The following NTM variants were observed in gnomAD, a reference collection of about 807,000 sequenced individuals.
NTM encodes the protein IgLON family member 2.
NTM carries 13 observed loss-of-function variants against 42.1 expected under a neutral mutation model. The observed-to-expected ratio is 0.31, with a 90% CI of 0.20 to 0.49. The LOEUF is 0.49. Among genes scored for constraint, NTM ranks in the 20% least tolerant of loss-of-function variants. The probability of loss-of-function intolerance (pLI) is 0.99; values close to 1 mark genes in which losing one functional copy is unlikely to be tolerated. For missense variants in NTM, 373 were observed against 452.8 expected, an observed-to-expected ratio of 0.82 and a Z score of 1.60; for synonymous variants, 187 against 179.2, an observed-to-expected ratio of 1.04 and a Z score of -0.35.
At chr11:131,469,976 G>GC (rs1952278389) in intron 1 of NTM, among the ~76,000 whole-genome samples, 1 of 152,150 alleles carries the variant, frequency 6.6e-6, no homozygotes, top group Non-Finnish European at 1.5e-5. Flanking sequence ...TTTCCTTAGA[G>GC]CTCTGTAGCT....
chr11:131,662,824 G>A (rs567517350), intron 1 of NTM, among the ~76,000 whole-genome samples: 2 of 152,180 alleles, frequency 1.3e-5, no homozygotes, highest in South Asian at 4.2e-4. Context: ...TTGGGGCGGG[G>A]AACGCTGAGG....
At chr11:132,321,447 T>C (rs1343322059) in intron 7 of NTM, among the ~76,000 whole-genome samples, 4 of 151,574 alleles carry the variant, frequency 2.6e-5, no homozygotes, top group Admixed American at 6.6e-5. Flanking sequence ...ATGAAATGAA[T>C]GAAATGAAGC....
chr11:131,559,482 C>T (rs900104035), intron 1 of NTM, among the ~76,000 whole-genome samples: 1 of 152,168 alleles, frequency 6.6e-6, no homozygotes, highest in African/African-American at 2.4e-5. Context: ...GGTATATTCA[C>T]CACACAGTCT....
At chr11:131,422,218 T>TC (rs1185737573) in intron 1 of NTM, among the ~76,000 whole-genome samples, 1 of 152,180 alleles carries the variant, frequency 6.6e-6, no homozygotes, top group Non-Finnish European at 1.5e-5. Context: ...ACAGTCACAT[T>TC]TGAATGTTTC....
At chr11:132,127,721 C>G (rs2066085890) in intron 2 of NTM, among the ~76,000 whole-genome samples, 2 of 152,246 alleles carry the variant, frequency 1.3e-5, no homozygotes, top group South Asian at 4.1e-4. Flanking sequence ...TGCCACTCTG[C>G]TCTCCGATTT....
intron 4 of NTM, among the ~76,000 whole-genome samples, chr11:132,271,363 G>T (rs942176663): frequency 1.3e-5 from 2 of 151,622 alleles, no homozygotes; most frequent in African/African-American, 4.8e-5. Context: ...GAACATTCAT[G>T]TACAAGTTTT....
At chr11:131,933,439 G>T (rs924904185) in intron 2 of NTM, among the ~76,000 whole-genome samples, 1 of 152,126 alleles carries the variant, frequency 6.6e-6, no homozygotes, top group African/African-American at 2.4e-5. Flanking sequence ...CCCCGCCAAG[G>T]ATTTGCTCTT....
At chr11:131,969,169 A>C (rs1221280479) in intron 2 of NTM, among the ~76,000 whole-genome samples, 1 of 152,190 alleles carries the variant, frequency 6.6e-6, no homozygotes, top group East Asian at 1.9e-4. Context: ...AAGTTTACCC[A>C]GGTGTCTTTC....
chr11:131,456,715 T>A (rs895628527), intron 1 of NTM, among the ~76,000 whole-genome samples: 4 of 152,230 alleles, frequency 2.6e-5, no homozygotes, highest in African/African-American at 9.6e-5. Flanking sequence ...TCCTGTCTAC[T>A]CGTAAGGGCT....
Position 131,862,166 on chromosome 11 carries a change from A to T in NTM, c.83-49398A>T, listed in dbSNP as rs537305787. 1.4e-4 allele frequency among the ~76,000 whole-genome samples: 22 copies of T among 152,312 alleles called. 1 individual carries two copies. Among genetic ancestry groups the T allele is most frequent in the African/African-American group, 5.3e-4 (22 of 41,576 alleles). The stretch of plus-strand genomic sequence containing the variant: ...GATTCTCAGACTGTCTGAGAATTTT[A>T]GCATTGTAACTGTCTGAGGAGAGAA... On this transcript the variant is annotated intron_variant, in intron 1 of 8. Transcript: ENST00000683400.
chr11:132,147,993 A>G (rs778897982), intron 3 of NTM, among the ~76,000 whole-genome samples: 26 of 152,128 alleles, frequency 1.7e-4, no homozygotes, highest in Non-Finnish European at 3.4e-4. Context: ...GACACATGAG[A>G]ACAAGGTGAT....
chr11:131,440,461 ACT>A (rs757172442), intron 1 of NTM, among the ~76,000 whole-genome samples: 8 of 151,936 alleles, frequency 5.3e-5, no homozygotes, highest in Non-Finnish European at 1.2e-4. Flanking sequence ...TCCTTTTCTG[ACT>A]CTACCATGCT....
At chr11:131,498,318 C>T (rs1285187045) in intron 1 of NTM, among the ~76,000 whole-genome samples, 1 of 152,132 alleles carries the variant, frequency 6.6e-6, no homozygotes, top group East Asian at 1.9e-4. Context: ...AGGATATTAC[C>T]CACCTTCCAG....
At chr11:131,631,993 A>G (rs1160659645) in intron 1 of NTM, among the ~76,000 whole-genome samples, 1 of 152,200 alleles carries the variant, frequency 6.6e-6, no homozygotes, top group South Asian at 2.1e-4. Context: ...TTTATCCTCA[A>G]TGCTAGATTA....
chr11:131,475,944 A>G (rs894516409), intron 1 of NTM, among the ~76,000 whole-genome samples: 1 of 152,182 alleles, frequency 6.6e-6, no homozygotes, highest in African/African-American at 2.4e-5. Context: ...AGACACTGAG[A>G]TATGGGCATA....
intron 1 of NTM, chr11:131,455,320 A>G (rs934707354): frequency 6.6e-6 from 1 of 152,238 alleles, no homozygotes; most frequent in Non-Finnish European, 1.5e-5. Flanking sequence ...GAGGCTGTGC[A>G]GCTCTCTGAA....
chr11:131,797,849 T>A (rs1286686585), intron 1 of NTM, among the ~76,000 whole-genome samples: 1 of 152,214 alleles, frequency 6.6e-6, no homozygotes, highest in Non-Finnish European at 1.5e-5. Context: ...CCTTGTATCA[T>A]ATAATTAAAA....
At chr11:132,070,817 A>T (rs567097781) in intron 2 of NTM, among the ~76,000 whole-genome samples, 23 of 143,722 alleles carry the variant, frequency 1.6e-4, no homozygotes, top group Non-Finnish European at 3.2e-4. Context: ...CAGGTTAGTT[A>T]ACACGTCACA....
chr11:132,062,970 T>C (rs116779720), intron 2 of NTM, among the ~76,000 whole-genome samples: 2,398 of 152,316 alleles, frequency 0.016, 68 homozygotes, highest in African/African-American at 0.055. Context: ...GTCAGTGTTT[T>C]AGACTTTTTG....
Sources: gnomAD v4.1 joint callset for allele counts (sites outside exome capture counted in the v4.1 genomes callset) on GRCh38, gnomAD v4.1.1 for gene constraint, MANE v1.5 for transcripts, NCBI Gene and HGNC (gene_info 2026-07-23, HGNC 2026-07-21) for gene names.